The following PPP1R12A variants were observed in gnomAD, a reference collection of about 807,000 sequenced individuals.
PPP1R12A encodes the protein myosin binding subunit.
PPP1R12A carries 19 observed loss-of-function variants against 139.6 expected under a neutral mutation model. That is an observed-to-expected ratio of 0.14 (90% confidence interval 0.09 to 0.20). PPP1R12A has a LOEUF of 0.20. Ranked by LOEUF, PPP1R12A falls within the 10% of genes least tolerant of loss-of-function variation. PPP1R12A has a pLI of 1.00. For synonymous variants in PPP1R12A, 427 were observed against 420.6 expected (o/e 1.02, Z -0.19); for missense variants, 925 against 1,211.5 (o/e 0.76, Z 3.51).
At position 79,935,045 on chromosome 12, in the gene PPP1R12A, G is replaced by A. The variant is rs1021339540; in HGVS notation, c.-114C>T. ...GTTTCTATGAGTGCGGGCCAGAGGAGGGCTGGGAACCCGGAGCCGACGCTC... is the reference window on the plus strand; with the variant it reads ...GTTTCTATGAGTGCGGGCCAGAGGAAGGCTGGGAACCCGGAGCCGACGCTC... On this transcript the variant is annotated 5_prime_UTR_variant, in exon 1 of 25. Coordinates refer to ENST00000450142, the MANE Select transcript of PPP1R12A (RefSeq NM_002480.3). The A allele has an allele frequency of 9.2e-6, 13 of 1,413,468 alleles. No homozygotes were observed. The highest frequency in any genetic ancestry group is 1.2e-5 in the Non-Finnish European group (13 of 1,085,176). 87.6% of individuals were successfully genotyped at this position (1,413,468 alleles called of 1,614,324 possible). A position where few individuals can be genotyped will look rare whatever the true frequency, so the allele number is the denominator to read the frequency against.
chr12:79,891,011 G>A (rs1884591793), intron 1 of PPP1R12A, among the ~76,000 whole-genome samples: 1 of 150,838 alleles, frequency 6.6e-6, no homozygotes, highest in Admixed American at 6.6e-5. Flanking sequence ...TTTTGGAAGA[G>A]AAGGGAAATT....
chr12:79,935,368 CG>C (rs1888590251), upstream of PPP1R12A: 1 of 999,612 alleles, frequency 1.0e-6, no homozygotes, highest in Non-Finnish European at 1.2e-6. Context: ...AAGGAGGAAG[CG>C]GGGAAGGAAG....
intron 1 of PPP1R12A, among the ~76,000 whole-genome samples, chr12:79,904,810 A>G (rs981043683): frequency 2.6e-5 from 4 of 152,222 alleles, no homozygotes; most frequent in African/African-American, 9.6e-5. Flanking sequence ...CCAAAAGGTG[A>G]TCTATTCTCA....
In PPP1R12A at chr12:79,934,902, C is replaced by T. The variant is rs757494892; in HGVS notation, c.30G>A (p.Arg10=). The change falls in exon 1 of 25, where the codon CGG becomes CGA. Residue 10 remains arginine, a synonymous_variant. Transcript: ENST00000450142. ...CGATCCAGCGTTTCAGCTGCTCGTT[C>T]CGCTTCTGCTTCGCGTCCGCCATCT... The part of the protein sequence containing the change: MKMADAKQK[R]NEQLKRWIGS... 8.1e-6 allele frequency: 13 copies of T among 1,605,680 alleles called. No individual in the cohort carries two copies. The highest frequency in any genetic ancestry group is 1.0e-5 in the Non-Finnish European group (12 of 1,176,148).
At chr12:79,899,351 T>C (rs1885431073) in intron 1 of PPP1R12A, among the ~76,000 whole-genome samples, 1 of 151,434 alleles carries the variant, frequency 6.6e-6, no homozygotes, top group Admixed American at 6.6e-5. Flanking sequence ...GAACATACCA[T>C]TACTACAGAA....
intron 1 of PPP1R12A, among the ~76,000 whole-genome samples, chr12:79,906,644 T>C (rs1886149125): frequency 6.6e-6 from 1 of 152,098 alleles, no homozygotes; most frequent in African/African-American, 2.4e-5. Flanking sequence ...TATAAATTTA[T>C]TTATTTTTAA....
chr12:79,886,018 C>T (rs1037323236), intron 1 of PPP1R12A, among the ~76,000 whole-genome samples: 1 of 152,074 alleles, frequency 6.6e-6, no homozygotes, highest in African/African-American at 2.4e-5. Flanking sequence ...TTCTTTATGA[C>T]TCTTACGACA....
chr12:79,900,512 G>A (rs1885539081), intron 1 of PPP1R12A, among the ~76,000 whole-genome samples: 1 of 152,148 alleles, frequency 6.6e-6, no homozygotes, highest in Non-Finnish European at 1.5e-5. Context: ...ACAAATGGCA[G>A]GGAACTTAAA....
intron 1 of PPP1R12A, among the ~76,000 whole-genome samples, chr12:79,913,296 T>C (rs1592821658): frequency 6.6e-6 from 1 of 152,266 alleles, no homozygotes; most frequent in African/African-American, 2.4e-5. Flanking sequence ...GATATTCTCA[T>C]AGTTACCTTC....
chr12:79,929,692 C>G (rs569670232), intron 1 of PPP1R12A, among the ~76,000 whole-genome samples: 2 of 151,884 alleles, frequency 1.3e-5, no homozygotes, highest in Non-Finnish European at 2.9e-5. Context: ...TCACTTGAAC[C>G]TGGGCGGCGG....
chr12:79,915,114 T>C (rs78391150), intron 1 of PPP1R12A, among the ~76,000 whole-genome samples: 2,888 of 152,220 alleles, frequency 0.019, 95 homozygotes, highest in African/African-American at 0.066. Flanking sequence ...GTATGCGGCT[T>C]TGAAAATTGA....
intron 1 of PPP1R12A, among the ~76,000 whole-genome samples, chr12:79,903,378 G>T (rs1320827992): frequency 1.3e-5 from 2 of 151,248 alleles, no homozygotes; most frequent in South Asian, 2.1e-4. Flanking sequence ...TTGAACCCGG[G>T]AAGTAGATGT....
intron 20 of PPP1R12A, 105 bp downstream of exon 20, chr12:79,790,362 C>G (rs1304336483): frequency 2.4e-6 from 2 of 837,618 alleles, no homozygotes; most frequent in East Asian, 5.9e-5. Context: ...TTTTTATTAT[C>G]AAATAATTCT....
At chr12:79,778,823 T>G in intron 23 of PPP1R12A, 1 of 348,938 alleles carries the variant, frequency 2.9e-6, no homozygotes, top group South Asian at 8.0e-5. Flanking sequence ...AGCTTTGACT[T>G]TCTGGGAAGA....
chr12:79,830,002 G>A (rs1592680970), intron 4 of PPP1R12A, among the ~76,000 whole-genome samples: 1 of 152,004 alleles, frequency 6.6e-6, no homozygotes, highest in Non-Finnish European at 1.5e-5. Flanking sequence ...GTGTGTTTGG[G>A]AGGGAGAGAA....
intron 5 of PPP1R12A, among the ~76,000 whole-genome samples, chr12:79,827,294 C>T (rs952424083): frequency 6.6e-6 from 1 of 151,894 alleles, no homozygotes; most frequent in Non-Finnish European, 1.5e-5. Context: ...GATTTTCATG[C>T]CTGCACATTT....
intron 17 of PPP1R12A, among the ~76,000 whole-genome samples, 153 bp from the exon 18 acceptor site, chr12:79,795,912 G>A (rs1321663103): frequency 2.0e-5 from 3 of 152,040 alleles, no homozygotes; most frequent in Non-Finnish European, 1.5e-5. Flanking sequence ...CCAATTGTTG[G>A]TATGTGAGAA....
At chr12:79,891,343 T>G (rs1030990059) in intron 1 of PPP1R12A, among the ~76,000 whole-genome samples, 2 of 151,830 alleles carry the variant, frequency 1.3e-5, no homozygotes, top group Non-Finnish European at 2.9e-5. Context: ...GAAACAGGAG[T>G]TAATACTTCA....
chr12:79,806,351 ATC>A lies in PPP1R12A; in HGVS notation c.1656-20_1656-19del, dbSNP rs1334787790. The A allele has an allele frequency of 6.2e-7, 1 of 1,604,126 alleles. No individual in the cohort carries two copies. Among genetic ancestry groups the A allele is most frequent in the Admixed American group, 1.7e-5 (1 of 59,862 alleles). On this transcript the variant is annotated intron_variant, in intron 12 of 24. Transcript: ENST00000450142. Reference sequence around the variant, plus strand: ...AGGAGCAACTAAACAAAAGAGTCATATCTATATAGGATGTGTTTGTATGTGTA... The same window carrying A: ...AGGAGCAACTAAACAAAAGAGTCATATATATAGGATGTGTTTGTATGTGTA...
Sources: gnomAD v4.1 joint callset for allele counts (sites outside exome capture counted in the v4.1 genomes callset) on GRCh38, gnomAD v4.1.1 for gene constraint, MANE v1.5 for transcripts, NCBI Gene and HGNC (gene_info 2026-07-23, HGNC 2026-07-21) for gene names.